CRLF3: variants seen among roughly 807,000 people sequenced by gnomAD.
CRLF3 encodes the protein cytokine receptor-like factor 3.
A neutral mutation model predicts 55.0 loss-of-function variants in CRLF3; 33 were observed. The ratio of observed to expected loss-of-function variants is 0.60; its 90% confidence interval spans 0.46 to 0.80. CRLF3 has a LOEUF of 0.80. CRLF3 is among the 30% of genes least tolerant of loss of function. The probability of loss-of-function intolerance (pLI) is 0.00; values close to 1 mark genes in which losing one functional copy is unlikely to be tolerated. For synonymous variants in CRLF3, 238 were observed against 196.8 expected, an observed-to-expected ratio of 1.21 and a Z score of -1.75; for missense variants, 494 against 538.4, an observed-to-expected ratio of 0.92 and a Z score of 0.82.
At chr17:30,816,975 A>AAT (rs1904826972) in intron 1 of CRLF3, among the ~76,000 whole-genome samples, 1 of 152,096 alleles carries the variant, frequency 6.6e-6, no homozygotes, top group Non-Finnish European at 1.5e-5. Flanking sequence ...CATTTCTGAG[A>AAT]ATATATCCCT....
At position 30,820,289 on chromosome 17, in the gene CRLF3, C is replaced by T. The variant is rs540756858; in HGVS notation, c.129+4234G>A. On this transcript the variant is annotated intron_variant, in intron 1 of 7. Coordinates refer to ENST00000324238, the MANE Select transcript of CRLF3 (RefSeq NM_015986.4). ...CATGTTGGCAGTTTTGACAGAATAA[C>T]TTAAAAACATTTTTATTCTTCTTCC... Among the ~76,000 whole-genome samples the T allele has an allele frequency of 2.6e-5, 4 of 152,318 alleles. No homozygotes were observed. The South Asian group carries it at 8.3e-4, about 32-fold the overall frequency.
intron 1 of CRLF3, among the ~76,000 whole-genome samples, chr17:30,815,102 T>C (rs1904752512): frequency 1.4e-5 from 2 of 142,148 alleles, no homozygotes; most frequent in South Asian, 4.5e-4. Flanking sequence ...TTTTTTTTTT[T>C]TGAGATGAAG....
chr17:30,788,966 A>G (rs970845556), intron 6 of CRLF3, among the ~76,000 whole-genome samples: 1 of 152,100 alleles, frequency 6.6e-6, no homozygotes, highest in Non-Finnish European at 1.5e-5. Flanking sequence ...AGTACCCTCA[A>G]AAAACTAAAT....
At chr17:30,802,193 G>A (rs1972016049) in intron 2 of CRLF3, among the ~76,000 whole-genome samples, 1 of 151,716 alleles carries the variant, frequency 6.6e-6, no homozygotes, top group Non-Finnish European at 1.5e-5. Context: ...TGCAATCTCG[G>A]CTAACTGCAA....
rs867797173 is a variant in CRLF3 at position 30,785,359 on chromosome 17, T to G, written c.1072+560A>C. On this transcript the variant is annotated intron_variant, in intron 7 of 7. Transcript: ENST00000324238. ...CAAAGTGCTGGGATTAGAGGCGTGATCCACCGCGCCCGGCCTCTGGCTAGC... is the reference window on the plus strand; with the variant it reads ...CAAAGTGCTGGGATTAGAGGCGTGAGCCACCGCGCCCGGCCTCTGGCTAGC... 5.3e-4 allele frequency among the ~76,000 whole-genome samples: 81 copies of G among 151,430 alleles called. 1 individual carries two copies. The highest frequency in any genetic ancestry group is 1.7e-3 in the African/African-American group (72 of 41,358).
At position 30,810,334 on chromosome 17, in the gene CRLF3, T is replaced by C. The variant is rs548100141; in HGVS notation, c.130-6226A>G. The stretch of plus-strand genomic sequence containing the variant: ...CAGCACTTTGGGAGGCCCAGGCAGG[T>C]GGATCACAAGATCAGGTGGTCAGGA... On this transcript the variant is annotated intron_variant, in intron 1 of 7. Coordinates refer to ENST00000324238, the MANE Select transcript of CRLF3 (RefSeq NM_015986.4). 8.5e-5 allele frequency among the ~76,000 whole-genome samples: 13 copies of C among 152,216 alleles called. No individual in the cohort carries two copies. In the South Asian group the frequency reaches 2.3e-3, roughly 27 times the overall value.
Position 30,796,187 on chromosome 17 carries a change from A to G in CRLF3, c.576T>C (p.Pro192=), listed in dbSNP as rs1971914818. The G allele has an allele frequency of 3.7e-6, 6 of 1,613,270 alleles. No individual in the cohort carries two copies. In the East Asian group the frequency reaches 1.1e-4, roughly 30 times the overall value. Residue 192 remains proline, a synonymous_variant, in exon 4 of 8, where the codon CCT becomes CCC. Coordinates refer to ENST00000324238, the MANE Select transcript of CRLF3 (RefSeq NM_015986.4). The part of the protein sequence containing the change: ...PVQIEELIEK[P]GGIIVRWCKV... ...TACACCATCGTACAATGATGCCTCCAGGTTTCTCTATTAGTTCTTCTATCT... is the reference window on the plus strand; with the variant it reads ...TACACCATCGTACAATGATGCCTCCGGGTTTCTCTATTAGTTCTTCTATCT...
intron 1 of CRLF3, among the ~76,000 whole-genome samples, chr17:30,819,418 C>T (rs765897952): frequency 6.6e-6 from 1 of 152,222 alleles, no homozygotes; most frequent in African/African-American, 2.4e-5. Context: ...GGTGGTGCCA[C>T]TCTGTGAGGC....
In CRLF3 at chr17:30,782,887, T is replaced by C. The variant is rs535854744; in HGVS notation, c.*1300A>G. 6.7e-6 allele frequency: 1 copy of C among 148,868 alleles called. No homozygotes were observed. The highest frequency in any genetic ancestry group is 2.3e-4 in the South Asian group (1 of 4,402). The allele number at this position is 148,868 out of a possible 1,614,324, so 9.2% of individuals were successfully genotyped here. Reference sequence around the variant, plus strand: ...ATATCATACTTGCTTTTCTACTTTTTTACTATACTGGTAAAAATGAAATGA... The same window carrying C: ...ATATCATACTTGCTTTTCTACTTTTCTACTATACTGGTAAAAATGAAATGA... On this transcript the variant is annotated 3_prime_UTR_variant, in exon 8 of 8. Transcript: ENST00000324238.
intron 1 of CRLF3, among the ~76,000 whole-genome samples, chr17:30,807,586 G>A (rs570773545): frequency 7.8e-6 from 1 of 128,326 alleles, no homozygotes; most frequent in Non-Finnish European, 1.6e-5. Flanking sequence ...AGACTGGAGT[G>A]CAGTGGCGCA....
At chr17:30,813,708 T>C (rs1394981194) in intron 1 of CRLF3, among the ~76,000 whole-genome samples, 3 of 151,760 alleles carry the variant, frequency 2.0e-5, no homozygotes, top group Non-Finnish European at 4.4e-5. Flanking sequence ...CCCTATTAAC[T>C]CGTCATTTAA....
In CRLF3 at chr17:30,812,495, C is replaced by A. The variant is rs546808269; in HGVS notation, c.130-8387G>T. On this transcript the variant is annotated intron_variant, in intron 1 of 7. Coordinates refer to ENST00000324238, the MANE Select transcript of CRLF3 (RefSeq NM_015986.4). ...TGACTCAAGAATGGACTTGTAAGCA[C>A]TGCTATGTTTCTCCTTGTTTCTCTT... Among the ~76,000 whole-genome samples the A allele has an allele frequency of 3.2e-4, 49 of 152,218 alleles. No individual in the cohort carries two copies. The Middle Eastern group carries it at 0.014, about 42-fold the overall frequency.
chr17:30,806,066 A>G (rs1250805257), intron 1 of CRLF3, among the ~76,000 whole-genome samples: 1 of 152,116 alleles, frequency 6.6e-6, no homozygotes, highest in African/African-American at 2.4e-5. Flanking sequence ...CAAACAAACA[A>G]AAAAACTCAT....
intron 1 of CRLF3, among the ~76,000 whole-genome samples, chr17:30,820,361 A>C (rs1904954323): frequency 6.6e-6 from 1 of 152,232 alleles, no homozygotes. Context: ...GACAAATTTC[A>C]TGCTAGAGTT....
At chr17:30,804,359 T>C (rs1037510016) in intron 1 of CRLF3, among the ~76,000 whole-genome samples, 4 of 152,228 alleles carry the variant, frequency 2.6e-5, no homozygotes, top group African/African-American at 7.2e-5. Flanking sequence ...AGAACACTTA[T>C]GATCTCTCCT....
At chr17:30,785,778 T>G in intron 7 of CRLF3, 141 bp downstream of exon 7, 1 of 541,072 alleles carries the variant, frequency 1.8e-6, no homozygotes, top group Non-Finnish European at 3.2e-6. Flanking sequence ...TGAGACTTCA[T>G]AATAAAAAAA....
intron 2 of CRLF3, 139 bp downstream of exon 2, chr17:30,803,762 G>C (rs142019110): frequency 3.6e-5 from 25 of 699,372 alleles, no homozygotes; most frequent in Non-Finnish European, 5.8e-5. Flanking sequence ...TGCCATGATT[G>C]TGAGGCCTCC....
At chr17:30,799,336 T>C (rs1028477614) in intron 2 of CRLF3, among the ~76,000 whole-genome samples, 5 of 152,132 alleles carry the variant, frequency 3.3e-5, no homozygotes, top group Admixed American at 2.0e-4. Flanking sequence ...AAGTATCAAA[T>C]GCTGTAACAC....
Position 30,796,304 on chromosome 17 carries a change from A to T in CRLF3, c.459T>A (p.Pro153=). 6.2e-7 allele frequency: 1 copy of T among 1,614,006 alleles called. No individual in the cohort carries two copies. Residue 153 remains proline, a synonymous_variant, in exon 4 of 8, where the codon CCT becomes CCA. Coordinates refer to ENST00000324238, the MANE Select transcript of CRLF3 (RefSeq NM_015986.4). The part of the protein sequence containing the change: ...LPEVPLLVDV[P]CLSAQLDDSI... ...AGTCATCCAACTGAGCAGATAAACAAGGCACATCAACCAGTAAAGGTACTT... is the reference window on the plus strand; with the variant it reads ...AGTCATCCAACTGAGCAGATAAACATGGCACATCAACCAGTAAAGGTACTT...
Sources: allele counts gnomAD v4.1 joint callset (sites outside exome capture counted in the v4.1 genomes callset), GRCh38; gene constraint gnomAD v4.1.1; transcripts MANE v1.5; gene names NCBI Gene and HGNC (gene_info 2026-07-23, HGNC 2026-07-21).